WNK3: variants seen among roughly 807,000 people sequenced by gnomAD.
WNK3 encodes the protein serine/threonine-protein kinase WNK3.
In WNK3, 18 loss-of-function variants were observed where a neutral mutation model predicts 116.7. The ratio of observed to expected loss-of-function variants is 0.15; its 90% CI spans 0.11 to 0.23. The LOEUF (loss-of-function observed/expected upper bound fraction) is 0.23. Among genes scored for constraint, WNK3 ranks in the 10% least tolerant of loss-of-function variants. The pLI is 1.00. For missense variants in WNK3, 993 were observed against 1,323.8 expected (o/e 0.75, Z 3.88); for synonymous variants, 404 against 469.4 (o/e 0.86, Z 1.80).
intron 5 of WNK3, 76 bp downstream of exon 5, chrX:54,307,846 T>C: frequency 3.0e-6 from 3 of 1,013,367 alleles, no homozygotes; most frequent in Middle Eastern, 2.8e-4. Context: ...AAATTAGTTT[T>C]GAGTAAGTCA....
rs1557153865 is a variant in WNK3 at position 54,250,217 on chromosome X, C to T, written c.2576-86G>A. ...GACTGAAGAAGCCAGGTTAAATAAA[C>T]AATTTGTCTTATATCTCCATTTCTA... On this transcript the variant is annotated intron_variant, in intron 15 of 23. Coordinates refer to ENST00000354646, the Ensembl canonical transcript of WNK3. 4 of 928,597 alleles carry T rather than the reference C, an allele frequency of 4.3e-6. No individual in the cohort carries two copies. In the African/African-American group the frequency reaches 6.0e-5, roughly 14 times the overall value. The allele number at this position is 928,597 out of a possible 1,213,427, so 76.5% of individuals were successfully genotyped here.
At chrX:54,344,931 G>A (rs1315269818) in intron 1 of WNK3, among the ~76,000 whole-genome samples, 2 of 80,486 alleles carry the variant, frequency 2.5e-5, no homozygotes, top group Non-Finnish European at 4.6e-5. Context: ...GCGACAGAGC[G>A]AGACTCCCTC....
intron 21 of WNK3, among the ~76,000 whole-genome samples, chrX:54,230,777 A>G (rs1362533195): frequency 8.9e-6 from 1 of 112,534 alleles, no homozygotes; most frequent in Non-Finnish European, 1.9e-5. Context: ...ATGTCCTCCA[A>G]CCGATGAATG....
rs1359417625 is a variant in WNK3 at position 54,307,915 on chromosome X, T to A, written c.1089+7A>T. ...TGATAAAGTAAAAAGAAAAAAGTTA[T>A]ACCTACACTAGTTACTTTCCGGTAT... On this transcript the variant is annotated splice_region_variant and intron_variant, in intron 5 of 23. Transcript: ENST00000354646. 1.7e-6 allele frequency: 2 copies of A among 1,165,070 alleles called. No homozygotes were observed. Among genetic ancestry groups the A allele is most frequent in the Non-Finnish European group, 2.3e-6 (2 of 873,567 alleles).
chrX:54,240,565 C>G (rs983125808), intron 17 of WNK3, among the ~76,000 whole-genome samples: 5 of 111,692 alleles, frequency 4.5e-5, no homozygotes, highest in Non-Finnish European at 9.4e-5. Flanking sequence ...CCTTATCAAT[C>G]CAAATTTACA....
chrX:54,307,635 T>C (rs782600239), intron 5 of WNK3, among the ~76,000 whole-genome samples: 13 of 111,394 alleles, frequency 1.2e-4, no homozygotes, highest in African/African-American at 4.2e-4. Context: ...TTATTCAGCT[T>C]TGAAAAATAA....
intron 22 of WNK3, among the ~76,000 whole-genome samples, chrX:54,226,505 A>G (rs2067843446): frequency 9.6e-6 from 1 of 104,604 alleles, no homozygotes; most frequent in South Asian, 4.3e-4. Flanking sequence ...GAAAAAAAAA[A>G]AGAACTAAAT....
intron 10 of WNK3, among the ~76,000 whole-genome samples, chrX:54,274,068 T>A (rs1408532746): frequency 9.0e-6 from 1 of 110,819 alleles, no homozygotes; most frequent in Admixed American, 9.7e-5. Flanking sequence ...GACCCTTAAA[T>A]ATGACTGAAT....
chrX:54,321,450 C>T (rs2069033305), intron 2 of WNK3, among the ~76,000 whole-genome samples: 1 of 111,313 alleles, frequency 9.0e-6, no homozygotes, highest in African/African-American at 3.3e-5. Context: ...GCAGTCATGG[C>T]AATGAGTGCA....
chrX:54,279,037 T>C (rs964432075), intron 10 of WNK3, among the ~76,000 whole-genome samples: 1 of 110,823 alleles, frequency 9.0e-6, no homozygotes, highest in African/African-American at 3.3e-5. Flanking sequence ...CATCGCATTC[T>C]AGCCTGGGCG....
intron 5 of WNK3, among the ~76,000 whole-genome samples, chrX:54,304,996 C>T (rs1364163076): frequency 1.9e-5 from 2 of 108,023 alleles, no homozygotes; most frequent in Non-Finnish European, 3.8e-5. Context: ...TATATATATA[C>T]AAAAACTAGC....
At chrX:54,343,823 C>T (rs2069365827) in intron 1 of WNK3, among the ~76,000 whole-genome samples, 1 of 109,348 alleles carries the variant, frequency 9.1e-6, no homozygotes, top group South Asian at 4.0e-4. Context: ...CACCAAACTC[C>T]TAATTTTTAA....
intron 2 of WNK3, among the ~76,000 whole-genome samples, chrX:54,328,137 T>TTA (rs1438993710): frequency 9.1e-6 from 1 of 109,625 alleles, no homozygotes; most frequent in Non-Finnish European, 1.9e-5. Flanking sequence ...TATATATATA[T>TTA]TATATATACA....
At chrX:54,231,833 A>G (rs1297893487) in intron 21 of WNK3, among the ~76,000 whole-genome samples, 2 of 110,949 alleles carry the variant, frequency 1.8e-5, no homozygotes, top group African/African-American at 6.6e-5. Context: ...GGGATTTCAC[A>G]TATGTCCTTA....
intron 1 of WNK3, among the ~76,000 whole-genome samples, chrX:54,357,042 C>T (rs1204349311): frequency 9.0e-6 from 1 of 110,721 alleles, no homozygotes; most frequent in African/African-American, 3.3e-5. Context: ...CAAATAACAC[C>T]TCAGAATCTC....
Position 54,327,753 on chromosome X carries a change from G to A in WNK3, c.537+5384C>T, listed in dbSNP as rs782660243. 4.6e-5 allele frequency among the ~76,000 whole-genome samples: 5 copies of A among 109,495 alleles called. 1 individual carries two copies. The highest frequency in any genetic ancestry group is 8.0e-4 in the South Asian group (2 of 2,499). On this transcript the variant is annotated intron_variant, in intron 2 of 23. Transcript: ENST00000354646. ...TCCCAGCACTTTGGGAGGCCGAGAC[G>A]GGCAGATCACTTGAGGCCAGCCTGG... is the stretch of plus-strand genomic sequence containing the variant.
chrX:54,222,313 A>G (rs1321761152), intron 22 of WNK3, among the ~76,000 whole-genome samples: 2 of 110,783 alleles, frequency 1.8e-5, no homozygotes, highest in African/African-American at 3.3e-5. Flanking sequence ...GCAATTTGGG[A>G]GGCTGGGTAG....
At chrX:54,289,629 T>C (rs1425724591) in intron 10 of WNK3, among the ~76,000 whole-genome samples, 1 of 111,325 alleles carries the variant, frequency 9.0e-6, no homozygotes, top group Non-Finnish European at 1.9e-5. Context: ...TTGCACAGTC[T>C]GGCTTTGTGG....
At chrX:54,231,809 C>T (rs2067901213) in intron 21 of WNK3, among the ~76,000 whole-genome samples, 1 of 110,817 alleles carries the variant, frequency 9.0e-6, no homozygotes, top group African/African-American at 3.3e-5. Context: ...ATTCTGCCTA[C>T]GACAAGTTCC....
Sources: allele counts gnomAD v4.1 joint callset (sites outside exome capture counted in the v4.1 genomes callset), GRCh38; gene constraint gnomAD v4.1.1; transcripts MANE v1.5; gene names NCBI Gene and HGNC (gene_info 2026-07-23, HGNC 2026-07-21).